Variants in MACROD2 observed in about 807,000 individuals in gnomAD.
MACROD2 encodes the protein ADP-ribose glycohydrolase MACROD2.
Under a neutral mutation model 70.4 loss-of-function variants are expected in MACROD2, and 36 were observed. That is an observed-to-expected ratio of 0.51 (90% CI 0.39 to 0.68). The LOEUF is 0.68. Ranked by LOEUF, MACROD2 falls within the 30% of genes least tolerant of loss-of-function variation. The probability of loss-of-function intolerance (pLI) is 0.00; values close to 1 mark genes in which losing one functional copy is unlikely to be tolerated. For synonymous variants in MACROD2, 172 were observed against 178.8 expected (o/e 0.96, Z 0.30); for missense variants, 496 against 538.4 (o/e 0.92, Z 0.78).
intron 5 of MACROD2, among the ~76,000 whole-genome samples, chr20:14,826,463 T>C (rs2072904073): frequency 6.6e-6 from 1 of 152,188 alleles, no homozygotes; most frequent in Admixed American, 6.5e-5. Context: ...TTTCTGTTGC[T>C]TGCAGTAATT....
At chr20:14,358,707 C>T (rs566628696) in intron 3 of MACROD2, among the ~76,000 whole-genome samples, 3 of 152,222 alleles carry the variant, frequency 2.0e-5, no homozygotes, top group African/African-American at 4.8e-5. Flanking sequence ...CCACCCGCCT[C>T]GACCTCCCAA....
intron 3 of MACROD2, among the ~76,000 whole-genome samples, chr20:14,492,230 G>T (rs1000041564): frequency 6.6e-6 from 1 of 152,152 alleles, no homozygotes; most frequent in Admixed American, 6.5e-5. Context: ...AGTGAGTTTT[G>T]TTTATGGTTG....
At chr20:14,016,169 G>A (rs1049091372) in intron 2 of MACROD2, among the ~76,000 whole-genome samples, 3 of 152,124 alleles carry the variant, frequency 2.0e-5, no homozygotes, top group African/African-American at 7.2e-5. Context: ...TTTGGTTTTG[G>A]TTGTTTGTGC....
intron 8 of MACROD2, among the ~76,000 whole-genome samples, chr20:15,546,509 G>C (rs756936484): frequency 6.6e-6 from 1 of 152,114 alleles, no homozygotes; most frequent in Non-Finnish European, 1.5e-5. Context: ...ACTTGGAATG[G>C]GTTAAAAATG....
intron 3 of MACROD2, among the ~76,000 whole-genome samples, chr20:14,430,007 C>G (rs947384304): frequency 1.3e-5 from 2 of 152,156 alleles, no homozygotes; most frequent in Admixed American, 6.6e-5. Context: ...CTGAATTAAA[C>G]CATCTACTTC....
At chr20:15,346,473 G>T (rs1049573516) in intron 6 of MACROD2, among the ~76,000 whole-genome samples, 1 of 152,122 alleles carries the variant, frequency 6.6e-6, no homozygotes, top group African/African-American at 2.4e-5. Context: ...GAACAGCAGC[G>T]AAGTTCACAT....
intron 6 of MACROD2, among the ~76,000 whole-genome samples, chr20:15,340,619 T>C (rs1031952275): frequency 6.6e-6 from 1 of 152,158 alleles, no homozygotes; most frequent in African/African-American, 2.4e-5. Flanking sequence ...CCTAGAGCTC[T>C]TTCCGCCAGA....
intron 3 of MACROD2, among the ~76,000 whole-genome samples, chr20:14,279,026 G>A (rs142153493): frequency 2.0e-5 from 3 of 152,298 alleles, no homozygotes; most frequent in East Asian, 1.9e-4. Context: ...GCAAGAGTCT[G>A]TGTTGGATAT....
intron 8 of MACROD2, among the ~76,000 whole-genome samples, chr20:15,823,001 A>C (rs1459944946): frequency 6.6e-6 from 1 of 152,158 alleles, no homozygotes; most frequent in Non-Finnish European, 1.5e-5. Context: ...CCTACAAATA[A>C]ACTGCTGAGT....
At chr20:15,729,017 TAACA>T (rs2050904702) in intron 8 of MACROD2, among the ~76,000 whole-genome samples, 1 of 152,208 alleles carries the variant, frequency 6.6e-6, no homozygotes, top group Admixed American at 6.5e-5. Flanking sequence ...TGTGGGCATT[TAACA>T]CTATAACATT....
chr20:16,039,364 ACTGT>A (rs1441249206), intron 15 of MACROD2, among the ~76,000 whole-genome samples: 1 of 151,688 alleles, frequency 6.6e-6, no homozygotes, highest in Admixed American at 6.6e-5. Flanking sequence ...TCTTTTATTA[ACTGT>A]CTGTTAAATC....
chr20:14,436,429 T>G (rs2084057134), intron 3 of MACROD2, among the ~76,000 whole-genome samples: 1 of 152,214 alleles, frequency 6.6e-6, no homozygotes, highest in Non-Finnish European at 1.5e-5. Context: ...AATACTTAAT[T>G]ATGCTGTTTT....
At chr20:14,165,115 G>A (rs12624419) in intron 3 of MACROD2, among the ~76,000 whole-genome samples, 2 of 151,924 alleles carry the variant, frequency 1.3e-5, no homozygotes, top group Non-Finnish European at 2.9e-5. Context: ...AGTCTGATGG[G>A]GGCTGAGTTC....
chr20:14,048,567 C>G (rs187039603), intron 2 of MACROD2, among the ~76,000 whole-genome samples: 1 of 152,190 alleles, frequency 6.6e-6, no homozygotes, highest in East Asian at 1.9e-4. Context: ...CCCTAAAGTT[C>G]TATGTGCAAT....
At chr20:15,713,206 A>C (rs1205827248) in intron 8 of MACROD2, among the ~76,000 whole-genome samples, 1 of 152,262 alleles carries the variant, frequency 6.6e-6, no homozygotes, top group Non-Finnish European at 1.5e-5. Context: ...TCTTTAGTAA[A>C]GGATTTTCAA....
At chr20:15,684,320 A>T (rs1336628107) in intron 8 of MACROD2, among the ~76,000 whole-genome samples, 1 of 152,214 alleles carries the variant, frequency 6.6e-6, no homozygotes, top group Non-Finnish European at 1.5e-5. Flanking sequence ...ATGACAGTCA[A>T]TAGATAGGAA....
At chr20:14,754,719 C>A (rs1221352372) in intron 5 of MACROD2, among the ~76,000 whole-genome samples, 3 of 151,296 alleles carry the variant, frequency 2.0e-5, no homozygotes, top group Non-Finnish European at 4.4e-5. Flanking sequence ...TGGTTTATTG[C>A]ATATTTGAAA....
At chr20:15,624,197 G>A (rs1276442175) in intron 8 of MACROD2, among the ~76,000 whole-genome samples, 1 of 152,186 alleles carries the variant, frequency 6.6e-6, no homozygotes, top group Non-Finnish European at 1.5e-5. Context: ...TGCAGCAGAG[G>A]AGAAAGGTGA....
chr20:15,758,606 C>G (rs1046291279), intron 8 of MACROD2, among the ~76,000 whole-genome samples: 14 of 149,284 alleles, frequency 9.4e-5, no homozygotes, highest in African/African-American at 3.2e-4. Context: ...GTGGCACAAT[C>G]ATAGCTCACT....
Sources: allele counts gnomAD v4.1 joint callset (sites outside exome capture counted in the v4.1 genomes callset), GRCh38; gene constraint gnomAD v4.1.1; transcripts MANE v1.5; gene names NCBI Gene and HGNC (gene_info 2026-07-23, HGNC 2026-07-21).